Variants in ADGRL4 observed in about 807,000 individuals in gnomAD.
ADGRL4 encodes the protein EGF, latrophilin and seven transmembrane domain containing 1.
In ADGRL4, 90 loss-of-function variants were observed where a neutral mutation model predicts 74.8. The observed-to-expected ratio is 1.20, with a 90% confidence interval of 1.02 to 1.43. The LOEUF (loss-of-function observed/expected upper bound fraction) is 1.43. Ranked by LOEUF, ADGRL4 falls within the 40% of genes most tolerant of loss-of-function variation. The probability of loss-of-function intolerance (pLI) is 0.00; values close to 1 mark genes in which losing one functional copy is unlikely to be tolerated. For missense variants in ADGRL4, 881 were observed against 814.3 expected (o/e 1.08, Z -1.00); for synonymous variants, 311 against 279.2 (o/e 1.11, Z -1.14).
At chr1:78,932,994 G>A (rs1483621532) in intron 7 of ADGRL4, among the ~76,000 whole-genome samples, 1 of 151,390 alleles carries the variant, frequency 6.6e-6, no homozygotes, top group Non-Finnish European at 1.5e-5. Context: ...AATTCTACCA[G>A]AGGTGCAAAG....
intron 2 of ADGRL4, among the ~76,000 whole-genome samples, chr1:78,990,219 T>A (rs1453512254): frequency 2.0e-5 from 3 of 151,970 alleles, no homozygotes; most frequent in East Asian, 1.9e-4. Context: ...TGAACACTTG[T>A]CATACTTCAG....
intron 2 of ADGRL4, among the ~76,000 whole-genome samples, chr1:78,974,866 G>A (rs1273648754): frequency 1.3e-5 from 2 of 152,050 alleles, no homozygotes; most frequent in South Asian, 2.1e-4. Flanking sequence ...CAGGATAATC[G>A]ACTATTTTGA....
intron 2 of ADGRL4, among the ~76,000 whole-genome samples, chr1:78,949,318 A>G (rs1044516016): frequency 6.6e-5 from 10 of 152,124 alleles, no homozygotes; most frequent in African/African-American, 2.4e-4. Flanking sequence ...TAGGTAGAAA[A>G]AAACAAAAGT....
chr1:78,962,996 G>A (rs1367225626), intron 2 of ADGRL4, among the ~76,000 whole-genome samples: 1 of 152,136 alleles, frequency 6.6e-6, no homozygotes. Flanking sequence ...ATTATAAGCT[G>A]AGGAACTCTC....
chr1:78,899,123 G>A (rs1230002147), intron 12 of ADGRL4, among the ~76,000 whole-genome samples: 1 of 152,084 alleles, frequency 6.6e-6, no homozygotes, highest in Non-Finnish European at 1.5e-5. Flanking sequence ...TTAGACCCAT[G>A]CTTAAATTTT....
At chr1:78,947,636 T>C (rs1259256884) in intron 2 of ADGRL4, among the ~76,000 whole-genome samples, 1 of 151,914 alleles carries the variant, frequency 6.6e-6, no homozygotes, top group Non-Finnish European at 1.5e-5. Context: ...AGACTCAAAC[T>C]GGAGAATATA....
chr1:78,900,032 G>C (rs1053242973), intron 12 of ADGRL4, among the ~76,000 whole-genome samples: 1 of 152,134 alleles, frequency 6.6e-6, no homozygotes, highest in Admixed American at 6.5e-5. Flanking sequence ...TTGAGGCAGA[G>C]GAGATTTGGT....
chr1:78,973,733 G>T (rs1279491763), intron 2 of ADGRL4, among the ~76,000 whole-genome samples: 2 of 148,028 alleles, frequency 1.4e-5, no homozygotes, highest in African/African-American at 5.0e-5. Flanking sequence ...AAATTGAATT[G>T]CTTATTATCC....
At chr1:78,902,503 G>T (rs769269804) in intron 12 of ADGRL4, among the ~76,000 whole-genome samples, 29 of 147,142 alleles carry the variant, frequency 2.0e-4, no homozygotes, top group African/African-American at 7.3e-4. Context: ...ATACAATTAG[G>T]GGGTAACAGA....
At chr1:78,976,121 C>T (rs1371216422) in intron 2 of ADGRL4, among the ~76,000 whole-genome samples, 4 of 151,746 alleles carry the variant, frequency 2.6e-5, no homozygotes, top group Non-Finnish European at 5.9e-5. Context: ...GTTAACAGTC[C>T]CAGAAGAACA....
intron 2 of ADGRL4, among the ~76,000 whole-genome samples, chr1:78,993,998 G>T (rs1356861773): frequency 6.6e-6 from 1 of 152,104 alleles, no homozygotes; most frequent in Admixed American, 6.6e-5. Flanking sequence ...GACTCTGAAG[G>T]CTGCCTCAAA....
chr1:79,000,268 C>A (rs565726070), intron 2 of ADGRL4, among the ~76,000 whole-genome samples: 1 of 152,184 alleles, frequency 6.6e-6, no homozygotes, highest in African/African-American at 2.4e-5. Context: ...TCATATTAAA[C>A]CCTACTTTAA....
intron 12 of ADGRL4, among the ~76,000 whole-genome samples, chr1:78,899,322 A>G (rs1418383026): frequency 1.3e-5 from 2 of 152,112 alleles, no homozygotes; most frequent in African/African-American, 2.4e-5. Flanking sequence ...TTCATTCTCA[A>G]TCGTTATACC....
At chr1:78,952,162 T>C (rs2100700289) in intron 2 of ADGRL4, among the ~76,000 whole-genome samples, 1 of 152,182 alleles carries the variant, frequency 6.6e-6, no homozygotes, top group Admixed American at 6.5e-5. Flanking sequence ...TTATAACAAC[T>C]TGAAATCTAT....
intron 8 of ADGRL4, among the ~76,000 whole-genome samples, chr1:78,923,166 A>G (rs1189560553): frequency 6.6e-6 from 1 of 151,978 alleles, no homozygotes; most frequent in Non-Finnish European, 1.5e-5. Flanking sequence ...GCCTAATTCT[A>G]GAGAAAGTAG....
At chr1:78,897,262 T>C (rs1030141553) in intron 12 of ADGRL4, among the ~76,000 whole-genome samples, 5 of 152,162 alleles carry the variant, frequency 3.3e-5, no homozygotes, top group Admixed American at 2.6e-4. Context: ...GACTTTGGGC[T>C]TCAGTGTCTG....
chr1:78,975,697 G>A (rs1650263939), intron 2 of ADGRL4, among the ~76,000 whole-genome samples: 2 of 151,692 alleles, frequency 1.3e-5, no homozygotes, highest in African/African-American at 4.8e-5. Context: ...AAACACTATA[G>A]AGTCACTATT....
Position 79,003,085 on chromosome 1 carries a change from G to A in ADGRL4, c.172+1985C>T, listed in dbSNP as rs369651424. ...AGGCATCCTCTGTAGCTAATCTCCTGTCCAGTCATTTCATCTTGACATAAT... is the reference window on the plus strand; with the variant it reads ...AGGCATCCTCTGTAGCTAATCTCCTATCCAGTCATTTCATCTTGACATAAT... On this transcript the variant is annotated intron_variant, in intron 2 of 14. Transcript: ENST00000370742. Among the ~76,000 whole-genome samples, 269 of 152,128 alleles carry A rather than the reference G, an allele frequency of 1.8e-3. 1 individual carries two copies. The highest frequency in any genetic ancestry group is 5.8e-3 in the African/African-American group (240 of 41,552).
chr1:78,921,394 C>T (rs1648996302), intron 9 of ADGRL4, among the ~76,000 whole-genome samples: 1 of 148,364 alleles, frequency 6.7e-6, no homozygotes, highest in Admixed American at 6.8e-5. Flanking sequence ...CTAGATAAGT[C>T]TTAGACTAGA....
Sources: gnomAD v4.1 joint callset for allele counts (sites outside exome capture counted in the v4.1 genomes callset) on GRCh38, gnomAD v4.1.1 for gene constraint, MANE v1.5 for transcripts, NCBI Gene and HGNC (gene_info 2026-07-23, HGNC 2026-07-21) for gene names.